KIF26B: variants seen among roughly 807,000 people sequenced by gnomAD.
KIF26B encodes the protein kinesin family member 26B.
KIF26B carries 63 observed loss-of-function variants against 151.2 expected under a neutral mutation model. The ratio of observed to expected loss-of-function variants is 0.42; its 90% CI spans 0.34 to 0.51. The LOEUF (loss-of-function observed/expected upper bound fraction) is 0.51. Ranked by LOEUF, KIF26B falls within the 20% of genes least tolerant of loss-of-function variation. KIF26B has a pLI of 0.07. For synonymous variants in KIF26B, 1,357 were observed against 1,262.1 expected, an observed-to-expected ratio of 1.08 and a Z score of -1.59; for missense variants, 2,813 against 2,913.6, an observed-to-expected ratio of 0.97 and a Z score of 0.79.
chr1:245,397,548 G>C (rs569816752), intron 3 of KIF26B, among the ~76,000 whole-genome samples: 4 of 152,268 alleles, frequency 2.6e-5, no homozygotes, highest in Non-Finnish European at 4.4e-5. Flanking sequence ...TAACTTTATT[G>C]TATTTACCAT....
At position 245,160,386 on chromosome 1, in the gene KIF26B, C is replaced by T. The variant is rs191728203; in HGVS notation, c.465+3703C>T. 2.5e-3 allele frequency among the ~76,000 whole-genome samples: 386 copies of T among 152,298 alleles called. 2 individuals are homozygous for T. Among genetic ancestry groups the T allele is most frequent in the Non-Finnish European group, 3.5e-3 (237 of 68,020 alleles). ...GCCTTCCAGTGTGTGAATACAAAAC[C>T]ATTTCATGTCCAATGGCAAGAGCAT... On this transcript the variant is annotated intron_variant, in intron 2 of 14. Transcript: ENST00000407071.
intron 6 of KIF26B, among the ~76,000 whole-genome samples, chr1:245,603,386 T>G (rs2043417611): frequency 6.6e-6 from 1 of 152,180 alleles, no homozygotes; most frequent in Admixed American, 6.5e-5. Flanking sequence ...TAAAATTCAG[T>G]GCTTAATACA....
At position 245,226,662 on chromosome 1, in the gene KIF26B, C is replaced by T. The variant is rs553063621; in HGVS notation, c.465+69979C>T. Among the ~76,000 whole-genome samples, 97 of 152,188 alleles carry T rather than the reference C, an allele frequency of 6.4e-4. 1 individual carries two copies. The South Asian group carries it at 0.019, about 30-fold the overall frequency. On this transcript the variant is annotated intron_variant, in intron 2 of 14. Transcript: ENST00000407071. Reference sequence around the variant, plus strand: ...ATTTTTAGTAGAGATGGGGTTTCTCCATGTTGGTCAGGCTGGTCTCAAACT... The same window carrying T: ...ATTTTTAGTAGAGATGGGGTTTCTCTATGTTGGTCAGGCTGGTCTCAAACT...
chr1:245,599,831 A>C (rs2043372954), intron 5 of KIF26B, among the ~76,000 whole-genome samples: 1 of 152,134 alleles, frequency 6.6e-6, no homozygotes, highest in Admixed American at 6.5e-5. Context: ...ACAGTGAATA[A>C]GAAAATTGCC....
At chr1:245,486,384 A>G (rs534509079) in intron 4 of KIF26B, among the ~76,000 whole-genome samples, 6 of 102,892 alleles carry the variant, frequency 5.8e-5, no homozygotes, top group East Asian at 4.4e-4. Flanking sequence ...AGAGTTGGCA[A>G]TTTAAGGGAG....
intron 2 of KIF26B, among the ~76,000 whole-genome samples, chr1:245,176,424 C>G (rs1668810488): frequency 6.6e-6 from 1 of 152,176 alleles, no homozygotes; most frequent in South Asian, 2.1e-4. Context: ...GACCAGAGTT[C>G]AGGAAGCATC....
chr1:245,246,690 A>G (rs1244376962), intron 2 of KIF26B, among the ~76,000 whole-genome samples: 1 of 152,196 alleles, frequency 6.6e-6, no homozygotes, highest in Non-Finnish European at 1.5e-5. Context: ...ATTGATGCCC[A>G]TGCCACAGAG....
intron 4 of KIF26B, among the ~76,000 whole-genome samples, chr1:245,510,608 C>T (rs1660812433): frequency 6.6e-6 from 1 of 151,310 alleles, no homozygotes. Context: ...CTCTCTCTCT[C>T]TCTCTCTTCC....
chr1:245,399,898 G>A (rs1213517797), intron 3 of KIF26B, among the ~76,000 whole-genome samples: 1 of 152,164 alleles, frequency 6.6e-6, no homozygotes, highest in African/African-American at 2.4e-5. Context: ...TCACAGAGAA[G>A]CTGAATAATT....
At chr1:245,202,547 C>A (rs1007348747) in intron 2 of KIF26B, among the ~76,000 whole-genome samples, 1 of 151,654 alleles carries the variant, frequency 6.6e-6, no homozygotes, top group African/African-American at 2.4e-5. Flanking sequence ...TTCTTTGAGG[C>A]CAGGAGTTCG....
intron 2 of KIF26B, among the ~76,000 whole-genome samples, chr1:245,322,118 G>A (rs974498373): frequency 6.6e-6 from 1 of 152,006 alleles, no homozygotes; most frequent in African/African-American, 2.4e-5. Context: ...AACTAACACA[G>A]GAACAAAAAA....
rs1187601146 is a variant in KIF26B, at chr1:245,167,687, A to G, written c.465+11004A>G. 3.9e-5 allele frequency among the ~76,000 whole-genome samples: 6 copies of G among 152,142 alleles called. No homozygotes were observed. The highest frequency in any genetic ancestry group is 2.0e-4 in the Admixed American group (3 of 15,276). On this transcript the variant is annotated intron_variant, in intron 2 of 14. Transcript: ENST00000407071. This position sits in a 1 kb window ranked among gnomAD's most constrained non-coding sequence, Gnocchi z 4.2. Reference sequence around the variant, plus strand: ...GTTTAAAAAAAAAAATCACCTGCCCAGTTCAGTTGTGTAACTTTGCACAGC... The same window carrying G: ...GTTTAAAAAAAAAAATCACCTGCCCGGTTCAGTTGTGTAACTTTGCACAGC...
At chr1:245,259,668 A>G (rs755920171) in intron 2 of KIF26B, among the ~76,000 whole-genome samples, 3 of 152,108 alleles carry the variant, frequency 2.0e-5, no homozygotes, top group Non-Finnish European at 4.4e-5. Flanking sequence ...AGGCTGGCTC[A>G]TGCCTGCAGT....
At chr1:245,622,388 G>A (rs2043673256) in intron 9 of KIF26B, among the ~76,000 whole-genome samples, 1 of 152,154 alleles carries the variant, frequency 6.6e-6, no homozygotes, top group South Asian at 2.1e-4. Context: ...AGGATAGGAA[G>A]GGGTGGAGGC....
chr1:245,443,290 C>T (rs1436132593), intron 4 of KIF26B, among the ~76,000 whole-genome samples: 9 of 146,932 alleles, frequency 6.1e-5, no homozygotes, highest in South Asian at 2.2e-4. Flanking sequence ...GTTCACCCTG[C>T]GGTCATCTCC....
intron 4 of KIF26B, among the ~76,000 whole-genome samples, chr1:245,451,725 G>C (rs1439904277): frequency 6.7e-6 from 1 of 148,950 alleles, no homozygotes; most frequent in South Asian, 2.1e-4. Flanking sequence ...TCAGCCTCCC[G>C]AGTAGCTGGG....
At chr1:245,457,034 T>C (rs1158515630) in intron 4 of KIF26B, among the ~76,000 whole-genome samples, 1 of 152,104 alleles carries the variant, frequency 6.6e-6, no homozygotes, top group East Asian at 1.9e-4. Flanking sequence ...CCCAGCTAAT[T>C]TTTGTATTTT....
intron 2 of KIF26B, among the ~76,000 whole-genome samples, chr1:245,312,943 C>T (rs757324282): frequency 1.3e-5 from 2 of 152,042 alleles, no homozygotes; most frequent in Admixed American, 6.6e-5. Context: ...GGGCAGATCA[C>T]GAGGTCAAGA....
At chr1:245,307,827 G>A (rs763017087) in intron 2 of KIF26B, among the ~76,000 whole-genome samples, 21 of 150,736 alleles carry the variant, frequency 1.4e-4, no homozygotes, top group South Asian at 1.0e-3. Flanking sequence ...TGCAAGCTCC[G>A]CCTCCCGGGT....
Sources: allele counts gnomAD v4.1 joint callset (sites outside exome capture counted in the v4.1 genomes callset), GRCh38; gene constraint gnomAD v4.1.1; non-coding constraint Gnocchi (gnomAD v3.1); transcripts MANE v1.5; gene names NCBI Gene and HGNC (gene_info 2026-07-23, HGNC 2026-07-21).